GALNT10: variants seen among roughly 807,000 people sequenced by gnomAD.
GALNT10 encodes GalNAc transferase 10.
GALNT10 carries 41 observed loss-of-function variants against 75.0 expected under a neutral mutation model. The ratio of observed to expected loss-of-function variants is 0.55; its 90% CI spans 0.43 to 0.71. The LOEUF is 0.71. Ranked by LOEUF, GALNT10 falls within the 30% of genes least tolerant of loss-of-function variation. The pLI, the probability that GALNT10 is intolerant of heterozygous loss-of-function variation, is 0.00. For missense variants in GALNT10, 727 were observed against 818.5 expected (o/e 0.89, Z 1.36); for synonymous variants, 302 against 313.0 (o/e 0.96, Z 0.37).
intron 1 of GALNT10, among the ~76,000 whole-genome samples, chr5:154,243,540 C>T (rs1753372677): frequency 6.6e-6 from 1 of 152,186 alleles, no homozygotes; most frequent in African/African-American, 2.4e-5. Context: ...GACTGCTGTT[C>T]TGCCATTTGA....
At chr5:154,210,683 G>A (rs1211114393) in intron 1 of GALNT10, among the ~76,000 whole-genome samples, 1 of 152,198 alleles carries the variant, frequency 6.6e-6, no homozygotes, top group Non-Finnish European at 1.5e-5. Context: ...TGCCTGGCAT[G>A]TGACATATTT....
At chr5:154,330,384 A>G (rs77390007) in intron 4 of GALNT10, among the ~76,000 whole-genome samples, 6,860 of 152,272 alleles carry the variant, frequency 0.045, 483 homozygotes, top group African/African-American at 0.15. Context: ...GAAGTGGATT[A>G]GAGATGTCAA....
intron 1 of GALNT10, among the ~76,000 whole-genome samples, chr5:154,239,534 A>G (rs6580063): frequency 0.67 from 101,415 of 152,040 alleles, 34,020 homozygotes; most frequent in East Asian, 0.86. Flanking sequence ...AGAATCTAAT[A>G]ATAAATGTAA....
At chr5:154,314,998 G>A (rs1221974231) in intron 3 of GALNT10, among the ~76,000 whole-genome samples, 4 of 152,070 alleles carry the variant, frequency 2.6e-5, no homozygotes, top group South Asian at 2.1e-4. Flanking sequence ...CTTGCAAATC[G>A]TGTAGAACAA....
intron 1 of GALNT10, among the ~76,000 whole-genome samples, chr5:154,200,447 G>T (rs1232307690): frequency 1.3e-5 from 2 of 151,778 alleles, no homozygotes; most frequent in Admixed American, 1.3e-4. Context: ...TCTGGCAGGG[G>T]TGTGTGTGTG....
intron 4 of GALNT10, among the ~76,000 whole-genome samples, chr5:154,351,489 A>G (rs890516689): frequency 6.6e-6 from 1 of 152,228 alleles, no homozygotes; most frequent in African/African-American, 2.4e-5. Context: ...GTGTTTTCCA[A>G]ATTTTCTACA....
At chr5:154,301,680 T>C (rs1182320237) in intron 3 of GALNT10, among the ~76,000 whole-genome samples, 4 of 151,614 alleles carry the variant, frequency 2.6e-5, no homozygotes, top group Admixed American at 6.6e-5. Flanking sequence ...AGGCAAAACC[T>C]CATCACATTT....
chr5:154,354,682 G>T (rs934379673), intron 4 of GALNT10, among the ~76,000 whole-genome samples: 1 of 152,182 alleles, frequency 6.6e-6, no homozygotes, highest in Non-Finnish European at 1.5e-5. Flanking sequence ...TCGGGTGGGG[G>T]GGTATCGTTG....
intron 7 of GALNT10, among the ~76,000 whole-genome samples, chr5:154,395,664 G>T (rs954912016): frequency 1.3e-5 from 2 of 152,162 alleles, no homozygotes; most frequent in African/African-American, 4.8e-5. Flanking sequence ...GGACTCATCT[G>T]CCCTTTCTCC....
Position 154,404,109 on chromosome 5 carries a change from G to A in GALNT10, c.1062G>A (p.Trp354Ter). 1 of 1,612,532 alleles carries A rather than the reference G, an allele frequency of 6.2e-7. No homozygotes were observed. The highest frequency in any genetic ancestry group is 2.2e-5 in the East Asian group (1 of 44,876). ...GEQYEISFKV[W>*]MCGGRMEDIP... ...TCTTCCTTCTTGCCATGCAGGTGTG[G>A]ATGTGTGGGGGCCGCATGGAGGACA... The change falls in exon 8 of 12, where the codon TGG becomes TGA. Residue 354 changes from tryptophan (W) to a stop codon, truncating the protein, a stop_gained. Transcript: ENST00000297107. LOFTEE classifies it high-confidence loss of function.
In GALNT10 at chr5:154,381,229, T is replaced by C. The variant is rs373104229; in HGVS notation, c.938+598T>C. On this transcript the variant is annotated intron_variant, in intron 6 of 11. Coordinates refer to ENST00000297107, the MANE Select transcript of GALNT10 (RefSeq NM_198321.4). The stretch of plus-strand genomic sequence containing the variant: ...TGCAGGCTAGGGGAGGGTGATGGGC[T>C]GGACTCACAGCATCCTAGAATGTGA... Among the ~76,000 whole-genome samples the C allele has an allele frequency of 6.6e-5, 10 of 152,288 alleles. No individual in the cohort carries two copies. In the East Asian group the frequency reaches 1.2e-3, roughly 18 times the overall value.
At chr5:154,237,546 C>T (rs778487643) in intron 1 of GALNT10, among the ~76,000 whole-genome samples, 1 of 152,196 alleles carries the variant, frequency 6.6e-6, no homozygotes, top group Non-Finnish European at 1.5e-5. Context: ...AGACCTTGGA[C>T]AGATCCCGGT....
chr5:154,234,496 G>A (rs1753215286), intron 1 of GALNT10, among the ~76,000 whole-genome samples: 1 of 152,204 alleles, frequency 6.6e-6, no homozygotes, highest in African/African-American at 2.4e-5. Context: ...TTTCCTCTGT[G>A]CCAGGCACTG....
intron 4 of GALNT10, among the ~76,000 whole-genome samples, chr5:154,339,269 C>T (rs760283115): frequency 1.8e-4 from 27 of 152,196 alleles, no homozygotes; most frequent in African/African-American, 6.3e-4. Context: ...TATCAGTCTC[C>T]AGGGTGCCTT....
intron 6 of GALNT10, among the ~76,000 whole-genome samples, chr5:154,385,390 C>T (rs1034678623): frequency 2.6e-5 from 4 of 152,224 alleles, no homozygotes; most frequent in South Asian, 4.1e-4. Context: ...TCCTTGCTGA[C>T]GTTTTATCCT....
At chr5:154,337,887 A>G in intron 4 of GALNT10, 3 of 1,254,090 alleles carry the variant, frequency 2.4e-6, no homozygotes, top group South Asian at 2.4e-5. Context: ...TTGCTTTGAC[A>G]GGGCTTTCCT....
At chr5:154,345,745 C>T (rs1441192032) in intron 4 of GALNT10, among the ~76,000 whole-genome samples, 1 of 150,866 alleles carries the variant, frequency 6.6e-6, no homozygotes, top group Non-Finnish European at 1.5e-5. Flanking sequence ...CAGCAATCCT[C>T]CCACCTCAGC....
chr5:154,401,943 C>T (rs983959794), intron 7 of GALNT10, among the ~76,000 whole-genome samples: 1 of 152,112 alleles, frequency 6.6e-6, no homozygotes, highest in South Asian at 2.1e-4. Flanking sequence ...ACTATGGTAG[C>T]GAGATTCATA....
chr5:154,359,532 T>G (rs1353174556), intron 4 of GALNT10, among the ~76,000 whole-genome samples: 2 of 81,652 alleles, frequency 2.4e-5, no homozygotes, highest in African/African-American at 1.1e-4. Context: ...TCTGTTTCTT[T>G]CTTTAAAAAA....
Sources: allele counts gnomAD v4.1 joint callset (sites outside exome capture counted in the v4.1 genomes callset), GRCh38; gene constraint gnomAD v4.1.1; transcripts MANE v1.5; gene names NCBI Gene and HGNC (gene_info 2026-07-23, HGNC 2026-07-21).